The following THADA variants were observed in gnomAD, a reference collection of about 807,000 sequenced individuals.
THADA encodes tRNA (32-2'-O)-methyltransferase regulator THADA.
Under a neutral mutation model 219.8 loss-of-function variants are expected in THADA, and 213 were observed. The observed-to-expected ratio is 0.97, with a 90% confidence interval of 0.87 to 1.09. The LOEUF (loss-of-function observed/expected upper bound fraction) is 1.09. Among genes scored for constraint, THADA ranks in the 50% least tolerant of loss-of-function variants. THADA has a pLI of 0.00. For missense variants in THADA, 2,956 were observed against 2,311.3 expected (o/e 1.28, Z -5.72); for synonymous variants, 1,018 against 828.9 (o/e 1.23, Z -3.92).
intron 29 of THADA, among the ~76,000 whole-genome samples, chr2:43,389,808 T>G (rs1425273019): frequency 6.6e-6 from 1 of 152,218 alleles, no homozygotes; most frequent in African/African-American, 2.4e-5. Flanking sequence ...CCTTCTCTCA[T>G]GTCTCCAGTC....
At chr2:43,505,830 T>A in intron 23 of THADA, 95 bp from the exon 24 acceptor site, 1 of 849,864 alleles carries the variant, frequency 1.2e-6, no homozygotes, top group Non-Finnish European at 1.9e-6. Context: ...AAAATCCCCT[T>A]AATAAAAACA....
chr2:43,543,818 G>C (rs1217992145), intron 20 of THADA, among the ~76,000 whole-genome samples: 6 of 151,764 alleles, frequency 4.0e-5, no homozygotes, highest in Non-Finnish European at 8.8e-5. Context: ...CCATTTTGTA[G>C]GTTGCCTGTT....
intron 28 of THADA, among the ~76,000 whole-genome samples, chr2:43,419,706 C>G (rs1482476994): frequency 2.0e-5 from 3 of 152,122 alleles, no homozygotes; most frequent in African/African-American, 7.2e-5. Context: ...TTAAAAATGC[C>G]TGCAGAGCAC....
At chr2:43,306,502 T>C (rs1338535113) in intron 31 of THADA, among the ~76,000 whole-genome samples, 1 of 152,176 alleles carries the variant, frequency 6.6e-6, no homozygotes, top group Non-Finnish European at 1.5e-5. Flanking sequence ...CTTTACATAA[T>C]GGGCTTACCT....
chr2:43,386,209 G>T (rs781435778), intron 29 of THADA, among the ~76,000 whole-genome samples: 8 of 152,144 alleles, frequency 5.3e-5, no homozygotes, highest in Non-Finnish European at 1.0e-4. Flanking sequence ...GTGAACATTT[G>T]CAAGTACAAA....
chr2:43,533,883 G>C (rs1558925111), intron 21 of THADA, among the ~76,000 whole-genome samples: 1 of 152,084 alleles, frequency 6.6e-6, no homozygotes. Flanking sequence ...TTCAGCACAT[G>C]TCTCCCAGAA....
chr2:43,301,490 T>C (rs899631615), intron 31 of THADA, among the ~76,000 whole-genome samples: 18 of 152,174 alleles, frequency 1.2e-4, no homozygotes, highest in African/African-American at 4.1e-4. Context: ...GAGCTCCAAC[T>C]GGGTGGGGAC....
intron 22 of THADA, among the ~76,000 whole-genome samples, chr2:43,520,715 C>T (rs202032561): frequency 0.11 from 9,912 of 88,284 alleles, 328 homozygotes; most frequent in South Asian, 0.21. Context: ...TATATATATA[C>T]ACACACACAC....
chr2:43,361,322 T>C (rs1449733862), intron 29 of THADA, among the ~76,000 whole-genome samples: 1 of 152,228 alleles, frequency 6.6e-6, no homozygotes, highest in Non-Finnish European at 1.5e-5. Context: ...TCCCATGAGG[T>C]TGCCATGAAG....
intron 26 of THADA, among the ~76,000 whole-genome samples, chr2:43,431,262 C>A (rs1013536258): frequency 6.6e-6 from 1 of 152,130 alleles, no homozygotes; most frequent in Non-Finnish European, 1.5e-5. Flanking sequence ...ATGCTGTGAT[C>A]AAGTGTACCA....
chr2:43,417,914 C>T (rs1351994646), intron 28 of THADA, among the ~76,000 whole-genome samples: 1 of 152,134 alleles, frequency 6.6e-6, no homozygotes, highest in Non-Finnish European at 1.5e-5. Context: ...GTGCTGTCAT[C>T]ATGATTAAAT....
intron 26 of THADA, among the ~76,000 whole-genome samples, chr2:43,442,107 G>C (rs1680911902): frequency 6.6e-6 from 1 of 152,056 alleles, no homozygotes; most frequent in South Asian, 2.1e-4. Context: ...TATCATTTGG[G>C]TCGGGGACAT....
intron 29 of THADA, among the ~76,000 whole-genome samples, chr2:43,365,187 T>A (rs4361171): frequency 1 from 152,066 of 152,136 alleles, 75,998 homozygotes; most frequent in Middle Eastern, 1. Context: ...GGCCTCCCAA[T>A]GTGTTGGGAT....
At position 43,571,728 on chromosome 2, in the gene THADA, C is replaced by A; in HGVS notation, c.2043G>T (p.Gln681His). ...CTACCTTTTTAAGAAGAGAACAGAT[C>A]TGTTGCCGCACTCCTGGAGACTGGC... ...LNSQSPGVRQ[Q>H]ICSLLKKLFC... The change falls in exon 13 of 38, where the codon CAG becomes CAT. Residue 681 changes from glutamine to histidine, a missense_variant. Physicochemically the swap from Gln to His is conservative, Grantham distance 24. Transcript: ENST00000405975. 6.2e-7 allele frequency: 1 copy of A among 1,613,682 alleles called. No homozygotes were observed. The highest frequency in any genetic ancestry group is 1.1e-5 in the South Asian group (1 of 91,050).
At chr2:43,427,093 T>C (rs1033709922) in intron 28 of THADA, among the ~76,000 whole-genome samples, 2 of 152,188 alleles carry the variant, frequency 1.3e-5, no homozygotes, top group African/African-American at 4.8e-5. Flanking sequence ...CATGGCTTTT[T>C]TCAGGTACTA....
intron 19 of THADA, 123 bp from the exon 20 acceptor site, chr2:43,549,491 G>A: frequency 1.1e-6 from 1 of 951,064 alleles, no homozygotes. Flanking sequence ...TATTAGAAGG[G>A]ACTCACAAGG....
chr2:43,577,978 T>G (rs1436916842), intron 9 of THADA, among the ~76,000 whole-genome samples: 1 of 152,136 alleles, frequency 6.6e-6, no homozygotes, highest in African/African-American at 2.4e-5. Context: ...TCAAAAATGT[T>G]TATAGTGATT....
chr2:43,284,270 C>T (rs1673718729), intron 35 of THADA, among the ~76,000 whole-genome samples: 1 of 152,218 alleles, frequency 6.6e-6, no homozygotes, highest in Non-Finnish European at 1.5e-5. Flanking sequence ...GCCCCTCCCA[C>T]CAAAGGCCAG....
At chr2:43,585,360 A>G (rs2104131093) in intron 7 of THADA, among the ~76,000 whole-genome samples, 1 of 151,584 alleles carries the variant, frequency 6.6e-6, no homozygotes, top group South Asian at 2.1e-4. Context: ...AAAAAAAAAA[A>G]AAAAAAAATT....
Sources: gnomAD v4.1 joint callset for allele counts (sites outside exome capture counted in the v4.1 genomes callset) on GRCh38, gnomAD v4.1.1 for gene constraint, MANE v1.5 for transcripts, NCBI Gene and HGNC (gene_info 2026-07-23, HGNC 2026-07-21) for gene names.